The following CXADR variants were observed in gnomAD, a reference collection of about 807,000 sequenced individuals.
The protein encoded by CXADR is coxsackievirus and adenovirus receptor.
A neutral mutation model predicts 40.3 loss-of-function variants in CXADR; 20 were observed. That is an observed-to-expected ratio of 0.50 (90% CI 0.35 to 0.72). The LOEUF (loss-of-function observed/expected upper bound fraction) is 0.72. CXADR is among the 30% of genes least tolerant of loss of function. CXADR has a pLI of 0.01. For synonymous variants in CXADR, 150 were observed against 161.3 expected (o/e 0.93, Z 0.53); for missense variants, 332 against 449.1 (o/e 0.74, Z 2.36).
the CXADR span, among the ~76,000 whole-genome samples, chr21:17,630,245 C>T: frequency 2.0e-5 from 3 of 152,096 alleles, no homozygotes; most frequent in African/African-American, 4.8e-5. Flanking sequence ...AAATTTTAAA[C>T]ATATCCAAAA....
chr21:17,634,354 T>G, the CXADR span, among the ~76,000 whole-genome samples: 2 of 152,238 alleles, frequency 1.3e-5, no homozygotes, highest in Non-Finnish European at 2.9e-5. Context: ...TTGCAAAATT[T>G]TGTTCATGTT....
intron 2 of CXADR, among the ~76,000 whole-genome samples, chr21:17,549,274 A>G (rs977337356): frequency 3.3e-5 from 5 of 152,028 alleles, no homozygotes; most frequent in African/African-American, 1.2e-4. Flanking sequence ...GGTCCCTCTG[A>G]CTCTCACAGC....
At chr21:17,546,917 C>T in intron 1 of CXADR, 110 bp from the exon 2 acceptor site, 1 of 1,328,546 alleles carries the variant, frequency 7.5e-7, no homozygotes. Flanking sequence ...GGACCCAAAC[C>T]CCGTCCTGTA....
At chr21:17,517,823 A>C (rs1318121229) in intron 1 of CXADR, among the ~76,000 whole-genome samples, 2 of 152,188 alleles carry the variant, frequency 1.3e-5, no homozygotes, top group African/African-American at 4.8e-5. Context: ...TGACCAGGCC[A>C]TTTGGAGACC....
At chr21:17,570,491 C>T (rs1405021406), downstream of CXADR, among the ~76,000 whole-genome samples, 1 of 152,098 alleles carries the variant, frequency 6.6e-6, no homozygotes, top group Non-Finnish European at 1.5e-5. Context: ...TGAGAGCTTA[C>T]CTTCTGTTTC....
the CXADR span, among the ~76,000 whole-genome samples, chr21:17,631,157 T>G: frequency 1.1e-4 from 17 of 152,302 alleles, no homozygotes; most frequent in Non-Finnish European, 1.6e-4. Flanking sequence ...GCACTGTGGG[T>G]TCTTTAGCCT....
At chr21:17,632,655 CA>C in the CXADR span, among the ~76,000 whole-genome samples, 8 of 152,134 alleles carry the variant, frequency 5.3e-5, no homozygotes, top group African/African-American at 1.9e-4. Flanking sequence ...ATCACGAGGT[CA>C]GAAGATTGAG....
At chr21:17,555,623 TCTCCTTAATCTC>T (rs1406179913) in intron 3 of CXADR, among the ~76,000 whole-genome samples, 3 of 149,262 alleles carry the variant, frequency 2.0e-5, no homozygotes, top group African/African-American at 7.4e-5. Flanking sequence ...GGCATTTATA[TCTCCTTAATCTC>T]CTCCAGTCAC....
At position 17,551,934 on chromosome 21, in the gene CXADR, G is replaced by A; in HGVS notation, c.396G>A (p.Lys132=). The A allele has an allele frequency of 6.2e-7, 1 of 1,613,354 alleles. No individual in the cohort carries two copies. The highest frequency in any genetic ancestry group is 8.5e-7 in the Non-Finnish European group (1 of 1,179,382). The change falls in exon 3 of 7, where the codon AAG becomes AAA. Residue 132 remains lysine, a synonymous_variant. Coordinates refer to ENST00000284878, the MANE Select transcript of CXADR (RefSeq NM_001338.5). ...VKKAPGVANK[K]IHLVVLVKPS... ...AAGCTCCTGGTGTTGCAAATAAGAA[G>A]ATTCATCTGGTAGTTCTTGGTAAGT...
At chr21:17,610,401 A>G in the CXADR span, among the ~76,000 whole-genome samples, 680 of 152,358 alleles carry the variant, frequency 4.5e-3, 24 homozygotes, top group East Asian at 0.08. Context: ...TCAGGAAGAG[A>G]GATACATTTA....
chr21:17,621,261 C>A, the CXADR span, among the ~76,000 whole-genome samples: 2 of 152,270 alleles, frequency 1.3e-5, no homozygotes, highest in South Asian at 2.1e-4. Flanking sequence ...CCCTAGTGAA[C>A]CACATAAAGC....
At chr21:17,535,748 T>C (rs758445486) in intron 1 of CXADR, among the ~76,000 whole-genome samples, 1 of 152,232 alleles carries the variant, frequency 6.6e-6, no homozygotes, top group Non-Finnish European at 1.5e-5. Flanking sequence ...GGCTTACACC[T>C]GTACTCCCAG....
the CXADR span, among the ~76,000 whole-genome samples, chr21:17,616,476 C>T: frequency 2.0e-5 from 3 of 151,666 alleles, no homozygotes; most frequent in Non-Finnish European, 2.9e-5. Flanking sequence ...GCTGGGACTA[C>T]AGGTGCCCAC....
At position 17,567,204 on chromosome 21, in the gene CXADR, C is replaced by T. The variant is rs2061221159; in HGVS notation, c.*1512C>T. Reference sequence around the variant, plus strand: ...GTAGGGAGTTGGTTTCTGTTAATATCTTTGGGTGCTGTGGTGGTAAATGCT... The same window carrying T: ...GTAGGGAGTTGGTTTCTGTTAATATTTTTGGGTGCTGTGGTGGTAAATGCT... On this transcript the variant is annotated 3_prime_UTR_variant, in exon 7 of 7. Coordinates refer to ENST00000284878, the MANE Select transcript of CXADR (RefSeq NM_001338.5). 1 of 985,254 alleles carries T rather than the reference C, an allele frequency of 1.0e-6. No individual in the cohort carries two copies. Among genetic ancestry groups the T allele is most frequent in the African/African-American group, 1.7e-5 (1 of 57,222 alleles). 61.0% of individuals were successfully genotyped at this position (985,254 alleles called of 1,614,324 possible). A position where few individuals can be genotyped will look rare whatever the true frequency, so the allele number is the denominator to read the frequency against.
the CXADR span, among the ~76,000 whole-genome samples, chr21:17,627,357 GA>G: frequency 6.6e-6 from 1 of 151,252 alleles, no homozygotes; most frequent in African/African-American, 2.4e-5. Context: ...ACTTCACCTC[GA>G]AAAAAAAGAG....
At chr21:17,592,424 C>T (rs2061446049) in intron 7 of CXADR, among the ~76,000 whole-genome samples, 1 of 151,616 alleles carries the variant, frequency 6.6e-6, no homozygotes, top group Non-Finnish European at 1.5e-5. Context: ...GAGTATTTTC[C>T]ATACATGGTT....
chr21:17,583,775 TC>T (rs745785565), intron 7 of CXADR, among the ~76,000 whole-genome samples: 13 of 152,342 alleles, frequency 8.5e-5, no homozygotes, highest in Admixed American at 3.3e-4. Context: ...TTCAGCACTA[TC>T]CTAATGATCA....
downstream of CXADR, chr21:17,594,245 T>G: frequency 1.9e-6 from 3 of 1,613,372 alleles, no homozygotes; most frequent in Non-Finnish European, 1.7e-6. Flanking sequence ...GGATAGTGAT[T>G]CTGATGGCCA....
rs772482499 is a variant in CXADR, at chr21:17,566,896, A to C, written c.*1204A>C. ...GTCTCTGTGTAGTTCCAGCAAATCA[A>C]GCTGAGCTTTGAAAAAGTTTGTCTT... On this transcript the variant is annotated 3_prime_UTR_variant, in exon 7 of 7. Coordinates refer to ENST00000284878, the MANE Select transcript of CXADR (RefSeq NM_001338.5). The C allele has an allele frequency of 4.5e-5, 44 of 984,482 alleles. No individual in the cohort carries two copies. Among genetic ancestry groups the C allele is most frequent in the Admixed American group, 1.2e-4 (2 of 16,218 alleles). 61.0% of individuals were successfully genotyped at this position (984,482 alleles called of 1,614,324 possible).
Sources: allele counts gnomAD v4.1 joint callset (sites outside exome capture counted in the v4.1 genomes callset), GRCh38; gene constraint gnomAD v4.1.1; transcripts MANE v1.5; gene names NCBI Gene and HGNC (gene_info 2026-07-23, HGNC 2026-07-21).